The following MARCHF1 variants were observed in gnomAD, a reference collection of about 807,000 sequenced individuals.
MARCHF1 encodes the protein E3 ubiquitin-protein ligase MARCHF1.
Under a neutral mutation model 54.2 loss-of-function variants are expected in MARCHF1, and 40 were observed. The observed-to-expected ratio is 0.74, with a 90% CI of 0.57 to 0.96. The LOEUF (loss-of-function observed/expected upper bound fraction) is 0.96. Among genes scored for constraint, MARCHF1 ranks in the 40% least tolerant of loss-of-function variants. The probability of loss-of-function intolerance (pLI) is 0.00; values close to 1 mark genes in which losing one functional copy is unlikely to be tolerated. For missense variants in MARCHF1, 586 were observed against 656.5 expected (o/e 0.89, Z 1.17); for synonymous variants, 236 against 236.3 (o/e 1.00, Z 0.01).
intron 1 of MARCHF1, among the ~76,000 whole-genome samples, chr4:164,147,811 T>G: frequency 7.0e-6 from 1 of 142,740 alleles, no homozygotes; most frequent in African/African-American, 2.9e-5. Flanking sequence ...ACCCTAAAAC[T>G]TAAAGTATAA....
intron 2 of MARCHF1, among the ~76,000 whole-genome samples, chr4:164,042,950 A>G (rs1323571502): frequency 6.6e-6 from 1 of 152,208 alleles, no homozygotes; most frequent in Admixed American, 6.5e-5. Context: ...TGTATTTCTC[A>G]CATCCAGGGC....
chr4:164,069,557 G>A (rs1325966559), intron 2 of MARCHF1, among the ~76,000 whole-genome samples: 3 of 152,042 alleles, frequency 2.0e-5, no homozygotes, highest in East Asian at 1.9e-4. Flanking sequence ...AACACTCATC[G>A]AGAAGGTCTG....
chr4:163,747,984 C>T (rs1746410091), intron 4 of MARCHF1, among the ~76,000 whole-genome samples: 1 of 152,150 alleles, frequency 6.6e-6, no homozygotes, highest in Non-Finnish European at 1.5e-5. Flanking sequence ...GGTACAATGC[C>T]AAAAACCTGG....
intron 5 of MARCHF1, among the ~76,000 whole-genome samples, chr4:163,662,257 TG>T (rs1436917987): frequency 6.6e-6 from 1 of 152,020 alleles, no homozygotes. Context: ...TGTCTCATCC[TG>T]GAACTCTTAT....
At chr4:163,570,748 G>A (rs1199856189) in intron 8 of MARCHF1, among the ~76,000 whole-genome samples, 2 of 152,000 alleles carry the variant, frequency 1.3e-5, no homozygotes, top group Admixed American at 6.6e-5. Context: ...TTAAATCTGC[G>A]ATTTTCACTT....
chr4:163,718,762 C>G (rs998684810), intron 4 of MARCHF1, among the ~76,000 whole-genome samples: 1 of 151,970 alleles, frequency 6.6e-6, no homozygotes. Context: ...TAGAACATTA[C>G]AAATGTGTTC....
At chr4:164,197,822 G>T in intron 1 of MARCHF1, 2 of 1,520,968 alleles carry the variant, frequency 1.3e-6, no homozygotes, top group South Asian at 1.3e-5. Flanking sequence ...AGCTCCGCTC[G>T]GTTCTCGAGC....
At chr4:164,233,091 C>T (rs1448879292) in intron 1 of MARCHF1, among the ~76,000 whole-genome samples, 2 of 152,132 alleles carry the variant, frequency 1.3e-5, no homozygotes, top group Admixed American at 6.6e-5. Flanking sequence ...TAAAGTAATA[C>T]TTTTGGACTC....
intron 3 of MARCHF1, among the ~76,000 whole-genome samples, chr4:163,955,212 T>TA (rs574633631): frequency 0.012 from 1,328 of 111,788 alleles, 14 homozygotes; most frequent in African/African-American, 0.032. Flanking sequence ...TACTGAACAT[T>TA]AAAAAAAAAA....
chr4:164,210,071 A>C (rs1207079998), intron 1 of MARCHF1, among the ~76,000 whole-genome samples: 1 of 152,186 alleles, frequency 6.6e-6, no homozygotes, highest in East Asian at 1.9e-4. Context: ...AAGCTCTGCT[A>C]TATTATTCTA....
At position 163,700,810 on chromosome 4, in the gene MARCHF1, T is replaced by C. The variant is rs546078712; in HGVS notation, c.162+3A>G. ...CAAACAAGAAAATGAGTACTTCACCTACTTTTGAAATGTTACTTGATCGAC... is the reference window on the plus strand; with the variant it reads ...CAAACAAGAAAATGAGTACTTCACCCACTTTTGAAATGTTACTTGATCGAC... On this transcript the variant is annotated splice_donor_region_variant and intron_variant, in intron 5 of 9. Transcript: ENST00000514618. 6.5e-7 allele frequency: 1 copy of C among 1,535,662 alleles called. No homozygotes were observed. The highest frequency in any genetic ancestry group is 2.0e-5 in the Admixed American group (1 of 50,984).
At chr4:163,863,497 G>A (rs1749985649) in intron 3 of MARCHF1, among the ~76,000 whole-genome samples, 1 of 152,044 alleles carries the variant, frequency 6.6e-6, no homozygotes, top group Admixed American at 6.6e-5. Context: ...TTGCAGATAA[G>A]CAAGTGGAAA....
At chr4:164,359,516 T>C (rs970715790) in intron 1 of MARCHF1, among the ~76,000 whole-genome samples, 2 of 152,146 alleles carry the variant, frequency 1.3e-5, no homozygotes, top group Non-Finnish European at 2.9e-5. Context: ...ATACGCTGTA[T>C]GTACATTATG....
intron 4 of MARCHF1, among the ~76,000 whole-genome samples, chr4:163,752,949 A>G (rs1342763449): frequency 2.6e-5 from 4 of 152,180 alleles, no homozygotes; most frequent in Non-Finnish European, 5.9e-5. Context: ...CATTGCCAGT[A>G]ACACTGAAGG....
intron 2 of MARCHF1, among the ~76,000 whole-genome samples, chr4:164,066,020 C>T (rs1754719472): frequency 6.6e-6 from 1 of 152,164 alleles, no homozygotes; most frequent in African/African-American, 2.4e-5. Flanking sequence ...TATCAATCTC[C>T]TCTGGAAACA....
At chr4:164,335,051 T>A (rs1238808528) in intron 1 of MARCHF1, among the ~76,000 whole-genome samples, 1 of 152,204 alleles carries the variant, frequency 6.6e-6, no homozygotes, top group African/African-American at 2.4e-5. Context: ...GCAAAGAAAG[T>A]GGTTTCTTGA....
chr4:163,932,021 TTA>T (rs1337105072), intron 3 of MARCHF1, among the ~76,000 whole-genome samples: 1 of 152,186 alleles, frequency 6.6e-6, no homozygotes, highest in Non-Finnish European at 1.5e-5. Context: ...CATATAAAAG[TTA>T]TGTTTATACT....
rs534625425 is a variant in MARCHF1 at position 164,159,263 on chromosome 4, T to C, written c.-322-47601A>G. On this transcript the variant is annotated intron_variant, in intron 1 of 9. Transcript: ENST00000514618. ...CATATACATTCATACAAATATTAGG[T>C]TGGTGCAAAAGTAATCGTGGATTTT... is the stretch of plus-strand genomic sequence containing the variant. Among the ~76,000 whole-genome samples the C allele has an allele frequency of 1.1e-4, 16 of 151,976 alleles. No homozygotes were observed. The East Asian group carries it at 1.6e-3, about 15-fold the overall frequency.
chr4:164,148,453 T>C (rs552964154), intron 1 of MARCHF1, among the ~76,000 whole-genome samples: 5 of 152,256 alleles, frequency 3.3e-5, no homozygotes, highest in African/African-American at 1.2e-4. Flanking sequence ...TCTTAATTAA[T>C]CTTTATCCCA....
Sources: allele counts gnomAD v4.1 joint callset (sites outside exome capture counted in the v4.1 genomes callset), GRCh38; gene constraint gnomAD v4.1.1; transcripts MANE v1.5; gene names NCBI Gene and HGNC (gene_info 2026-07-23, HGNC 2026-07-21).